The following RGS6 variants were observed in gnomAD, a reference collection of about 807,000 sequenced individuals.
The protein encoded by RGS6 is regulator of G protein signaling 6, also known as regulator of G-protein signaling 6.
Under a neutral mutation model 78.5 loss-of-function variants are expected in RGS6, and 30 were observed. The ratio of observed to expected loss-of-function variants is 0.38; its 90% confidence interval spans 0.29 to 0.52. The LOEUF (loss-of-function observed/expected upper bound fraction) is 0.52. Ranked by LOEUF, RGS6 falls within the 20% of genes least tolerant of loss-of-function variation. The pLI is 0.85. For missense variants in RGS6, 495 were observed against 609.7 expected, an observed-to-expected ratio of 0.81 and a Z score of 1.98; for synonymous variants, 206 against 206.0, an observed-to-expected ratio of 1.00 and a Z score of 0.00.
At chr14:72,406,699 C>T (rs2092957068) in intron 3 of RGS6, among the ~76,000 whole-genome samples, 3 of 152,178 alleles carry the variant, frequency 2.0e-5, no homozygotes, top group Admixed American at 1.3e-4. Context: ...CTGTTACTGA[C>T]TTGCAATAGA....
At chr14:72,400,183 G>C (rs1196611246) in intron 3 of RGS6, among the ~76,000 whole-genome samples, 2 of 152,314 alleles carry the variant, frequency 1.3e-5, no homozygotes, top group African/African-American at 2.4e-5. Context: ...ACTAACAGCT[G>C]ATCTCTTGGC....
At chr14:72,232,979 G>A (rs1192777198) in intron 2 of RGS6, among the ~76,000 whole-genome samples, 2 of 152,176 alleles carry the variant, frequency 1.3e-5, no homozygotes, top group African/African-American at 4.8e-5. Context: ...CGTTGTCTGA[G>A]GGGATGTGAG....
At chr14:72,468,239 C>A (rs1330947627) in intron 7 of RGS6, among the ~76,000 whole-genome samples, 1 of 152,102 alleles carries the variant, frequency 6.6e-6, no homozygotes. Context: ...ATTAGCCAGG[C>A]CTAGTGGCAC....
chr14:72,476,331 C>G (rs1016673446), intron 10 of RGS6, among the ~76,000 whole-genome samples: 1 of 152,152 alleles, frequency 6.6e-6, no homozygotes, highest in Non-Finnish European at 1.5e-5. Context: ...TTTCTTTATT[C>G]AGAATCATTT....
At chr14:71,886,145 G>A in the RGS6 span, among the ~76,000 whole-genome samples, 438 of 152,184 alleles carry the variant, frequency 2.9e-3, 2 homozygotes, top group African/African-American at 9.9e-3. Context: ...TAAATTTTTG[G>A]ACTGAAGTGA....
intron 2 of RGS6, among the ~76,000 whole-genome samples, chr14:72,304,036 G>T (rs1231201266): frequency 1.3e-5 from 2 of 152,122 alleles, no homozygotes; most frequent in Non-Finnish European, 2.9e-5. Flanking sequence ...AACCTAACAG[G>T]TTTCACCTCC....
intron 6 of RGS6, among the ~76,000 whole-genome samples, chr14:72,464,315 G>A (rs1033915457): frequency 2.6e-5 from 4 of 152,230 alleles, no homozygotes; most frequent in East Asian, 1.9e-4. Context: ...TCATTGAGAC[G>A]TGTGATATTT....
rs902425578 is a variant in RGS6 at position 71,980,466 on chromosome 14, A to G, written c.84+15591A>G. On this transcript the variant is annotated intron_variant, in intron 2 of 17. Coordinates refer to ENST00000553525, the MANE Select transcript of RGS6 (RefSeq NM_001204424.2). ...TTTTAGGGCAGGCCTGGTGGTGACAAAATCTCTCAGCATTTGCTTGTCTGT... is the reference window on the plus strand; with the variant it reads ...TTTTAGGGCAGGCCTGGTGGTGACAGAATCTCTCAGCATTTGCTTGTCTGT... Among the ~76,000 whole-genome samples the G allele has an allele frequency of 4.4e-3, 627 of 141,436 alleles. 2 individuals are homozygous for G. The highest frequency in any genetic ancestry group is 7.4e-3 in the Non-Finnish European group (481 of 64,666). The allele number at this position is 141,436 out of a possible 152,430, so 92.8% of individuals were successfully genotyped here. A position where few individuals can be genotyped will look rare whatever the true frequency, so the allele number is the denominator to read the frequency against.
At chr14:72,578,075 T>C in the RGS6 span, among the ~76,000 whole-genome samples, 1 of 152,214 alleles carries the variant, frequency 6.6e-6, no homozygotes, top group East Asian at 1.9e-4. Context: ...CCTTCCCTGA[T>C]GCCTGGATTC....
At chr14:72,107,502 T>C (rs2095658097) in intron 2 of RGS6, among the ~76,000 whole-genome samples, 1 of 152,150 alleles carries the variant, frequency 6.6e-6, no homozygotes, top group South Asian at 2.1e-4. Context: ...CCAGTTCTTT[T>C]TGATAGGAAA....
the RGS6 span, among the ~76,000 whole-genome samples, chr14:71,874,513 A>G: frequency 6.6e-6 from 1 of 152,226 alleles, no homozygotes. Context: ...ACTTTGCTGA[A>G]GTTGCTTATC....
chr14:72,281,391 C>T (rs148475328), intron 2 of RGS6, among the ~76,000 whole-genome samples: 1,589 of 152,122 alleles, frequency 0.01, 21 homozygotes, highest in African/African-American at 0.036. Flanking sequence ...TCAGGTGATC[C>T]GCCTACCTCG....
downstream of RGS6, among the ~76,000 whole-genome samples, chr14:72,567,438 G>T (rs2097714793): frequency 6.6e-6 from 1 of 152,188 alleles, no homozygotes; most frequent in East Asian, 1.9e-4. Flanking sequence ...TTATCGGGCT[G>T]TTGCTGTGCA....
chr14:72,102,282 T>C (rs1324406434), intron 2 of RGS6, among the ~76,000 whole-genome samples: 1 of 152,230 alleles, frequency 6.6e-6, no homozygotes, highest in African/African-American at 2.4e-5. Context: ...TGTTTTTTTC[T>C]CGCTTTTATC....
At chr14:71,984,950 AC>A (rs2094629575) in intron 2 of RGS6, among the ~76,000 whole-genome samples, 1 of 152,178 alleles carries the variant, frequency 6.6e-6, no homozygotes, top group Non-Finnish European at 1.5e-5. Context: ...TGCAAATATG[AC>A]TAAAGTTAAC....
At chr14:71,879,461 G>C in the RGS6 span, among the ~76,000 whole-genome samples, 3 of 152,146 alleles carry the variant, frequency 2.0e-5, no homozygotes, top group Admixed American at 6.5e-5. Flanking sequence ...TGGTTTGGCT[G>C]TGTCCCCAGC....
intron 2 of RGS6, among the ~76,000 whole-genome samples, chr14:72,334,018 A>AT (rs1169912852): frequency 1.3e-5 from 2 of 152,178 alleles, no homozygotes; most frequent in African/African-American, 4.8e-5. Context: ...ACAAATGCGG[A>AT]TTGTGCCGGC....
intron 2 of RGS6, among the ~76,000 whole-genome samples, chr14:72,340,491 C>T (rs1477502645): frequency 1.3e-5 from 2 of 152,068 alleles, no homozygotes; most frequent in Non-Finnish European, 1.5e-5. Context: ...TAGTGGTCAT[C>T]GTGCAAGGCA....
At chr14:72,572,345 A>G in the RGS6 span, among the ~76,000 whole-genome samples, 2 of 152,238 alleles carry the variant, frequency 1.3e-5, no homozygotes, top group Non-Finnish European at 2.9e-5. Context: ...TTTGAACACA[A>G]GTGTTCATAG....
Sources: gnomAD v4.1 joint callset for allele counts (sites outside exome capture counted in the v4.1 genomes callset) on GRCh38, gnomAD v4.1.1 for gene constraint, MANE v1.5 for transcripts, NCBI Gene and HGNC (gene_info 2026-07-23, HGNC 2026-07-21) for gene names.